The following KCNH7 variants were observed in gnomAD, a reference collection of about 807,000 sequenced individuals.
The protein encoded by KCNH7 is voltage-gated inwardly rectifying potassium channel KCNH7.
A neutral mutation model predicts 120.8 loss-of-function variants in KCNH7; 49 were observed. The ratio of observed to expected loss-of-function variants is 0.41; its 90% CI spans 0.32 to 0.51. The LOEUF (loss-of-function observed/expected upper bound fraction) is 0.51, where lower values mean the gene tolerates loss of function less well. KCNH7 is among the 20% of genes least tolerant of loss of function. The pLI, the probability that KCNH7 is intolerant of heterozygous loss-of-function variation, is 0.38. For synonymous variants in KCNH7, 547 were observed against 516.1 expected (o/e 1.06, Z -0.81); for missense variants, 1,097 against 1,446.6 (o/e 0.76, Z 3.92).
At chr2:162,581,315 C>G (rs7576875) in intron 2 of KCNH7, among the ~76,000 whole-genome samples, 2 of 152,018 alleles carry the variant, frequency 1.3e-5, no homozygotes, top group Non-Finnish European at 2.9e-5. Context: ...ACTTTTGTAT[C>G]CGTAAGTGAT....
intron 2 of KCNH7, among the ~76,000 whole-genome samples, chr2:162,776,750 T>C (rs1683256592): frequency 6.6e-6 from 1 of 152,194 alleles, no homozygotes; most frequent in Non-Finnish European, 1.5e-5. Context: ...CTCATATCTT[T>C]ATAATATCTG....
chr2:162,372,162 T>TA (rs1685973638), intron 15 of KCNH7, 67 bp from the exon 16 acceptor site: 1 of 1,252,548 alleles, frequency 8.0e-7, no homozygotes, highest in African/African-American at 1.5e-5. Flanking sequence ...AAAATTACAC[T>TA]AATAAAAACT....
chr2:162,584,516 A>T lies in KCNH7; in HGVS notation c.308-47436T>A, dbSNP rs142534304. ...CCTAAAGTGGTTTAGCTCTTGAAAT[A>T]TCAAAAGAATCTTGTTACAAAACAG... On this transcript the variant is annotated intron_variant, in intron 2 of 15. Transcript: ENST00000332142. 3.0e-3 allele frequency among the ~76,000 whole-genome samples: 455 copies of T among 152,240 alleles called. 1 individual carries two copies. Among genetic ancestry groups the T allele is most frequent in the African/African-American group, 0.01 (432 of 41,562 alleles).
At chr2:162,400,482 G>C in intron 9 of KCNH7, 41 bp from the exon 10 acceptor site, 1 of 1,598,520 alleles carries the variant, frequency 6.3e-7, no homozygotes, top group Non-Finnish European at 8.5e-7. Flanking sequence ...CCAGTGTTCT[G>C]GGTATCTCTG....
At chr2:162,761,473 G>A (rs1238367889) in intron 2 of KCNH7, among the ~76,000 whole-genome samples, 1 of 152,074 alleles carries the variant, frequency 6.6e-6, no homozygotes, top group South Asian at 2.1e-4. Flanking sequence ...TCTGGTGACA[G>A]CACTAAGAAA....
At chr2:162,522,848 A>C (rs1691578356) in intron 3 of KCNH7, among the ~76,000 whole-genome samples, 1 of 151,868 alleles carries the variant, frequency 6.6e-6, no homozygotes, top group South Asian at 2.1e-4. Context: ...CATGAATATA[A>C]TTATAGTAGT....
intron 2 of KCNH7, among the ~76,000 whole-genome samples, chr2:162,592,536 G>A (rs558368812): frequency 7.8e-4 from 119 of 152,012 alleles, no homozygotes; most frequent in Non-Finnish European, 1.3e-3. Flanking sequence ...TAGAAATTTA[G>A]CAGCATGAAC....
At chr2:162,533,267 A>G (rs1691992344) in intron 3 of KCNH7, among the ~76,000 whole-genome samples, 1 of 151,876 alleles carries the variant, frequency 6.6e-6, no homozygotes, top group South Asian at 2.1e-4. Context: ...GTACTTCAAG[A>G]AAGTATATTT....
At chr2:162,804,007 C>T (rs559372355) in intron 2 of KCNH7, among the ~76,000 whole-genome samples, 2 of 151,836 alleles carry the variant, frequency 1.3e-5, no homozygotes, top group South Asian at 4.1e-4. Flanking sequence ...ATATCTGACA[C>T]CATTAGTAAA....
chr2:162,528,145 AC>A (rs1248016933), intron 3 of KCNH7: 2 of 151,956 alleles, frequency 1.3e-5, no homozygotes, highest in African/African-American at 4.8e-5. Context: ...GAAAAAAATA[AC>A]TTTTTATGTC....
chr2:162,645,479 A>G (rs1684324683), intron 2 of KCNH7, among the ~76,000 whole-genome samples: 1 of 152,132 alleles, frequency 6.6e-6, no homozygotes, highest in Non-Finnish European at 1.5e-5. Flanking sequence ...CAAAAAATTC[A>G]CCATGGAACA....
rs962524373 is a variant in KCNH7 at position 162,416,375 on chromosome 2, G to GAA, written c.2154+6959_2154+6960dup. On this transcript the variant is annotated intron_variant, in intron 9 of 15. Coordinates refer to ENST00000332142, the MANE Select transcript of KCNH7 (RefSeq NM_033272.4). Reference sequence around the variant, plus strand: ...GCAACAGTGTGAGACTCCGTCTCTAGAAAAAAAAAAAAAAAAAGAATAGCT... The same window carrying GAA: ...GCAACAGTGTGAGACTCCGTCTCTAGAAAAAAAAAAAAAAAAAAAGAATAGCT... 6.8e-3 allele frequency among the ~76,000 whole-genome samples: 450 copies of GAA among 65,712 alleles called. 4 individuals are homozygous for GAA. Among genetic ancestry groups the GAA allele is most frequent in the African/African-American group, 0.023 (430 of 18,550 alleles). 43.1% of individuals were successfully genotyped at this position (65,712 alleles called of 152,430 possible).
intron 4 of KCNH7, among the ~76,000 whole-genome samples, chr2:162,515,687 T>G (rs1166011475): frequency 6.6e-6 from 1 of 151,806 alleles, no homozygotes; most frequent in Admixed American, 6.6e-5. Context: ...GATCAAATTC[T>G]AGCGGTTTCA....
At chr2:162,408,342 A>G (rs1021699870) in intron 9 of KCNH7, among the ~76,000 whole-genome samples, 2 of 152,048 alleles carry the variant, frequency 1.3e-5, no homozygotes, top group Non-Finnish European at 2.9e-5. Context: ...AGATGGCTGT[A>G]TTAGTAGTTA....
chr2:162,576,512 T>C (rs1433005386), intron 2 of KCNH7, among the ~76,000 whole-genome samples: 1 of 100,502 alleles, frequency 1.0e-5, no homozygotes, highest in African/African-American at 4.5e-5. Context: ...AGACAGCTAA[T>C]GAAATTAGTA....
At chr2:162,653,462 A>T (rs1684636887) in intron 2 of KCNH7, among the ~76,000 whole-genome samples, 1 of 152,234 alleles carries the variant, frequency 6.6e-6, no homozygotes, top group Non-Finnish European at 1.5e-5. Flanking sequence ...AGAAATCAAG[A>T]AAACAATCTC....
intron 9 of KCNH7, among the ~76,000 whole-genome samples, chr2:162,422,817 GA>G (rs1014414920): frequency 2.6e-5 from 4 of 152,024 alleles, no homozygotes; most frequent in Admixed American, 1.3e-4. Flanking sequence ...TTAAAATATA[GA>G]AAAAAAATTC....
At chr2:162,625,856 G>A (rs898696839) in intron 2 of KCNH7, among the ~76,000 whole-genome samples, 5 of 152,126 alleles carry the variant, frequency 3.3e-5, no homozygotes, top group African/African-American at 9.7e-5. Flanking sequence ...TGACAGAAGA[G>A]AGTCTTTGGT....
chr2:162,770,404 C>T (rs1559125503), intron 2 of KCNH7, among the ~76,000 whole-genome samples: 1 of 151,122 alleles, frequency 6.6e-6, no homozygotes, highest in Admixed American at 6.6e-5. Flanking sequence ...ATACTTATTT[C>T]AGTTAACTAT....
Sources: gnomAD v4.1 joint callset for allele counts (sites outside exome capture counted in the v4.1 genomes callset) on GRCh38, gnomAD v4.1.1 for gene constraint, MANE v1.5 for transcripts, NCBI Gene and HGNC (gene_info 2026-07-23, HGNC 2026-07-21) for gene names.